Variants in FOXO3 observed in about 807,000 individuals in gnomAD.
FOXO3 encodes the protein forkhead box O3.
Under a neutral mutation model 41.9 loss-of-function variants are expected in FOXO3, and 4 were observed. The observed-to-expected ratio is 0.10, with a 90% CI of 0.05 to 0.22. The LOEUF is 0.22. Ranked by LOEUF, FOXO3 falls within the 10% of genes least tolerant of loss-of-function variation. FOXO3 has a pLI of 1.00. For synonymous variants in FOXO3, 318 were observed against 389.3 expected (o/e 0.82, Z 2.16); for missense variants, 534 against 906.8 (o/e 0.59, Z 5.28).
intron 1 of FOXO3, among the ~76,000 whole-genome samples, chr6:108,565,061 T>C (rs1027908415): frequency 7.9e-5 from 12 of 152,212 alleles, no homozygotes; most frequent in African/African-American, 2.7e-4. Flanking sequence ...CTTGCTTTCC[T>C]GAAAGGCTTA....
At chr6:108,631,401 C>G (rs534100067) in intron 1 of FOXO3, among the ~76,000 whole-genome samples, 2 of 152,248 alleles carry the variant, frequency 1.3e-5, no homozygotes, top group Admixed American at 1.3e-4. Context: ...GACTTATACA[C>G]TTGGTCATTT....
At position 108,684,564 on chromosome 6, in the gene FOXO3, T is replaced by C. The variant is rs1214410980; in HGVS notation, c.*4772T>C. On this transcript the variant is annotated 3_prime_UTR_variant, in exon 3 of 3. Transcript: ENST00000406360. The stretch of plus-strand genomic sequence containing the variant: ...TTACTGAGGATTTTGTCTAACCATA[T>C]GTTGCCATGAATTAACTCTGCCGCC... 4.6e-5 allele frequency: 7 copies of C among 152,624 alleles called. No individual in the cohort carries two copies. The highest frequency in any genetic ancestry group is 1.0e-4 in the Non-Finnish European group (7 of 68,026). The allele number at this position is 152,624 out of a possible 1,614,324, so 9.5% of individuals were successfully genotyped here.
chr6:108,664,934 A>AG (rs1449473090), intron 2 of FOXO3, 45 bp downstream of exon 2: 2 of 1,530,776 alleles, frequency 1.3e-6, no homozygotes, highest in South Asian at 1.3e-5. Flanking sequence ...TATGGGGATG[A>AG]GGGGGGATCT....
upstream of FOXO3, among the ~76,000 whole-genome samples, chr6:108,560,648 G>A (rs1775746828): frequency 6.6e-6 from 1 of 152,154 alleles, no homozygotes; most frequent in Non-Finnish European, 1.5e-5. Flanking sequence ...GAGCGGCGGC[G>A]CCGCGGGAGG....
Position 108,684,481 on chromosome 6 carries a change from G to C in FOXO3, c.*4689G>C, listed in dbSNP as rs1210715018. ...AAACACCTGAGAGTCAAGCAGTTGAGACTTTGATTTGAAGCACCTCATCCT... is the reference window on the plus strand; with the variant it reads ...AAACACCTGAGAGTCAAGCAGTTGACACTTTGATTTGAAGCACCTCATCCT... On this transcript the variant is annotated 3_prime_UTR_variant, in exon 3 of 3. Transcript: ENST00000406360. 6.6e-6 allele frequency: 1 copy of C among 152,376 alleles called. No individual in the cohort carries two copies. Among genetic ancestry groups the C allele is most frequent in the East Asian group, 1.9e-4 (1 of 5,198 alleles). 9.4% of individuals were successfully genotyped at this position (152,376 alleles called of 1,614,324 possible). A position where few individuals can be genotyped will look rare whatever the true frequency, so the allele number is the denominator to read the frequency against.
chr6:108,578,840 A>G (rs1665906221), intron 1 of FOXO3, among the ~76,000 whole-genome samples: 1 of 152,168 alleles, frequency 6.6e-6, no homozygotes, highest in African/African-American at 2.4e-5. Context: ...CTCGTGATGA[A>G]GTCAGAGGTA....
chr6:108,644,485 C>G (rs185021515), intron 1 of FOXO3, among the ~76,000 whole-genome samples: 8 of 152,278 alleles, frequency 5.3e-5, no homozygotes, highest in Non-Finnish European at 1.2e-4. Context: ...CTGTTCTCCT[C>G]TCTTTCTGGA....
chr6:108,616,659 T>C (rs1033837549), intron 1 of FOXO3, among the ~76,000 whole-genome samples: 1 of 151,878 alleles, frequency 6.6e-6, no homozygotes, highest in African/African-American at 2.4e-5. Flanking sequence ...AATTTACCAA[T>C]TTAAAGTTTG....
At chr6:108,663,420 T>TG in intron 1 of FOXO3, 35 bp from the exon 2 acceptor site, 1 of 1,555,724 alleles carries the variant, frequency 6.4e-7, no homozygotes, top group Non-Finnish European at 8.7e-7. Flanking sequence ...TGGACCATTC[T>TG]GGTTCATACT....
At chr6:108,661,112 C>A (rs187496943) in intron 1 of FOXO3, among the ~76,000 whole-genome samples, 2 of 151,128 alleles carry the variant, frequency 1.3e-5, no homozygotes, top group African/African-American at 4.9e-5. Context: ...TGTGGTGGCA[C>A]GCACCTGTAA....
chr6:108,618,115 G>C, intron 1 of FOXO3: 1 of 814,678 alleles, frequency 1.2e-6, no homozygotes, highest in South Asian at 1.3e-5. Flanking sequence ...ATCAGAGTCT[G>C]ATCTGCCTCA....
intron 1 of FOXO3, among the ~76,000 whole-genome samples, chr6:108,624,117 C>T (rs1053704304): frequency 6.6e-6 from 1 of 152,028 alleles, no homozygotes; most frequent in African/African-American, 2.4e-5. Flanking sequence ...TTCGGGATGT[C>T]CTGAGAGAAA....
At chr6:108,569,992 T>TTTG (rs1776052452) in intron 1 of FOXO3, among the ~76,000 whole-genome samples, 1 of 18,154 alleles carries the variant, frequency 5.5e-5, no homozygotes, top group Non-Finnish European at 1.8e-4. Flanking sequence ...GCGTGGTTTT[T>TTTG]TTTTTTTTTT....
At chr6:108,647,807 A>G (rs942532869) in intron 1 of FOXO3, among the ~76,000 whole-genome samples, 3 of 152,250 alleles carry the variant, frequency 2.0e-5, no homozygotes, top group African/African-American at 7.2e-5. Context: ...TCTGTATTTC[A>G]TGATAAAGCC....
intron 1 of FOXO3, among the ~76,000 whole-genome samples, chr6:108,652,013 A>G (rs1778559787): frequency 6.6e-6 from 1 of 152,232 alleles, no homozygotes; most frequent in African/African-American, 2.4e-5. Flanking sequence ...AGCAAGGGCC[A>G]GGCACTAGCA....
At chr6:108,666,575 C>A (rs976894815) in intron 2 of FOXO3, among the ~76,000 whole-genome samples, 1 of 151,736 alleles carries the variant, frequency 6.6e-6, no homozygotes, top group Non-Finnish European at 1.5e-5. Flanking sequence ...GATCTCCTGA[C>A]CTTGTGATCC....
chr6:108,632,402 C>T (rs749127312), intron 1 of FOXO3, among the ~76,000 whole-genome samples: 1 of 152,182 alleles, frequency 6.6e-6, no homozygotes, highest in Non-Finnish European at 1.5e-5. Context: ...AAAATTAATA[C>T]AGAAATGTAA....
intron 1 of FOXO3, among the ~76,000 whole-genome samples, 158 bp from the exon 2 acceptor site, chr6:108,663,297 A>G (rs1303127314): frequency 6.6e-6 from 1 of 152,248 alleles, no homozygotes; most frequent in Non-Finnish European, 1.5e-5. Flanking sequence ...CAGGAGGTTG[A>G]GGCTGCACCA....
At chr6:108,582,590 G>A (rs986504295) in intron 1 of FOXO3, among the ~76,000 whole-genome samples, 4 of 151,984 alleles carry the variant, frequency 2.6e-5, no homozygotes. Flanking sequence ...TTAGGTTTTT[G>A]TCATGGAGAT....
Sources: allele counts gnomAD v4.1 joint callset (sites outside exome capture counted in the v4.1 genomes callset), GRCh38; gene constraint gnomAD v4.1.1; transcripts MANE v1.5; gene names NCBI Gene and HGNC (gene_info 2026-07-23, HGNC 2026-07-21).